MAGI2: variants seen among roughly 807,000 people sequenced by gnomAD.
MAGI2 encodes the protein membrane associated guanylate kinase, WW and PDZ domain containing 2, also known as membrane-associated guanylate kinase, WW and PDZ domain-containing protein 2.
A neutral mutation model predicts 133.3 loss-of-function variants in MAGI2; 35 were observed. That is an observed-to-expected ratio of 0.26 (90% confidence interval 0.20 to 0.35). MAGI2 has a LOEUF of 0.35. Among genes scored for constraint, MAGI2 ranks in the 10% least tolerant of loss-of-function variants. MAGI2 has a pLI of 1.00. For missense variants in MAGI2, 1,636 were observed against 1,863.4 expected, an observed-to-expected ratio of 0.88 and a Z score of 2.25; for synonymous variants, 729 against 710.6, an observed-to-expected ratio of 1.03 and a Z score of -0.41.
chr7:78,709,376 A>T (rs323175), intron 2 of MAGI2, among the ~76,000 whole-genome samples: 3 of 151,660 alleles, frequency 2.0e-5, no homozygotes, highest in African/African-American at 4.8e-5. Flanking sequence ...CATCTCTCTA[A>T]GGAAATGCCC....
chr7:78,392,167 TG>T (rs1410065149), intron 6 of MAGI2, among the ~76,000 whole-genome samples: 1 of 152,176 alleles, frequency 6.6e-6, no homozygotes, highest in African/African-American at 2.4e-5. Context: ...AAAGTAGAAA[TG>T]GATCTGTAAG....
chr7:78,737,622 T>C (rs1821991252), intron 2 of MAGI2, among the ~76,000 whole-genome samples: 4 of 152,178 alleles, frequency 2.6e-5, no homozygotes, highest in Admixed American at 2.6e-4. Flanking sequence ...GAAAGAGATA[T>C]GAGAATCCAG....
chr7:78,523,198 G>C (rs1489720998), intron 3 of MAGI2, among the ~76,000 whole-genome samples: 1 of 152,098 alleles, frequency 6.6e-6, no homozygotes, highest in East Asian at 1.9e-4. Context: ...CCTCTGTAAG[G>C]CTCAATTTCT....
At chr7:79,149,307 C>T (rs1244906359) in intron 1 of MAGI2, among the ~76,000 whole-genome samples, 1 of 151,578 alleles carries the variant, frequency 6.6e-6, no homozygotes, top group Non-Finnish European at 1.5e-5. Context: ...TTTCACATGA[C>T]AGGTTTTCAC....
intron 5 of MAGI2, among the ~76,000 whole-genome samples, chr7:78,493,958 C>G (rs1473943088): frequency 6.6e-6 from 1 of 151,992 alleles, no homozygotes; most frequent in Non-Finnish European, 1.5e-5. Flanking sequence ...ATTTGAATCA[C>G]TTTCTTTTTC....
At chr7:78,462,499 T>A (rs1406776779) in intron 6 of MAGI2, among the ~76,000 whole-genome samples, 2 of 152,220 alleles carry the variant, frequency 1.3e-5, no homozygotes, top group East Asian at 3.8e-4. Context: ...GGCATTTTAA[T>A]ATTGAAAATC....
At chr7:78,820,726 C>T (rs1386365402) in intron 2 of MAGI2, among the ~76,000 whole-genome samples, 1 of 151,804 alleles carries the variant, frequency 6.6e-6, no homozygotes, top group Non-Finnish European at 1.5e-5. Context: ...CTTCTGTTTT[C>T]AATGATGAAT....
intron 4 of MAGI2, among the ~76,000 whole-genome samples, chr7:78,502,969 A>G (rs1317843389): frequency 6.6e-6 from 1 of 152,204 alleles, no homozygotes; most frequent in Non-Finnish European, 1.5e-5. Context: ...ACATGCAGAC[A>G]CCTGGATACA....
chr7:78,573,625 G>A (rs575535449), intron 3 of MAGI2, among the ~76,000 whole-genome samples: 1 of 149,944 alleles, frequency 6.7e-6, no homozygotes, highest in African/African-American at 2.5e-5. Flanking sequence ...TACCTTTTAG[G>A]TTTTGTCTTT....
At position 78,145,548 on chromosome 7, in the gene MAGI2, G is replaced by A. The variant is rs149911556; in HGVS notation, c.2846-10342C>T. Among the ~76,000 whole-genome samples, 500 of 152,096 alleles carry A rather than the reference G, an allele frequency of 3.3e-3. 1 individual carries two copies. The highest frequency in any genetic ancestry group is 0.011 in the African/African-American group (468 of 41,494). ...TTCTCCTATAGGTCATAAGGATTAC[G>A]CCCTCATGGTAGAATTAGTACCATT... On this transcript the variant is annotated intron_variant, in intron 16 of 21. Transcript: ENST00000354212.
At chr7:78,358,393 T>C (rs6977674) in intron 7 of MAGI2, 122,777 of 151,312 alleles carry the variant, frequency 0.81, 49,902 homozygotes, top group Admixed American at 0.85. Flanking sequence ...AACTGGTGGT[T>C]GAGCACCACG....
intron 1 of MAGI2, among the ~76,000 whole-genome samples, chr7:79,271,358 G>A (rs1176586481): frequency 6.6e-6 from 1 of 152,058 alleles, no homozygotes; most frequent in Non-Finnish European, 1.5e-5. Context: ...TGGTGAATGA[G>A]GCACCATAGA....
At chr7:79,101,091 A>G (rs887319345) in intron 1 of MAGI2, among the ~76,000 whole-genome samples, 10 of 152,214 alleles carry the variant, frequency 6.6e-5, no homozygotes, top group Admixed American at 4.6e-4. Context: ...TTAATTTTAC[A>G]TTATTTTAAT....
intron 16 of MAGI2, 169 bp downstream of exon 16, chr7:78,159,856 T>A (rs2150606766): frequency 1.3e-6 from 1 of 742,400 alleles, no homozygotes; most frequent in East Asian, 2.9e-5. Flanking sequence ...GGTCAGTAAC[T>A]GTCTGCTAGT....
At chr7:78,153,020 T>C (rs1584165844) in intron 16 of MAGI2, among the ~76,000 whole-genome samples, 3 of 152,358 alleles carry the variant, frequency 2.0e-5, no homozygotes, top group African/African-American at 7.2e-5. Flanking sequence ...CACTTTCTAA[T>C]TCCTATGTTC....
intron 21 of MAGI2, among the ~76,000 whole-genome samples, chr7:78,053,733 T>TG (rs1472331954): frequency 6.6e-6 from 1 of 152,158 alleles, no homozygotes; most frequent in South Asian, 2.1e-4. Context: ...GCCCATTTAT[T>TG]GGGGTGGGTG....
At chr7:79,203,701 A>T (rs957418744) in intron 1 of MAGI2, among the ~76,000 whole-genome samples, 3 of 152,086 alleles carry the variant, frequency 2.0e-5, no homozygotes, top group African/African-American at 7.3e-5. Flanking sequence ...CAGAAAAAAA[A>T]CCAATCCACC....
chr7:78,331,103 C>T (rs1380299393), intron 9 of MAGI2, among the ~76,000 whole-genome samples: 2 of 152,146 alleles, frequency 1.3e-5, no homozygotes, highest in African/African-American at 4.8e-5. Context: ...AGTGAATTAA[C>T]ACAAGAACAA....
intron 1 of MAGI2, among the ~76,000 whole-genome samples, chr7:79,400,694 C>A (rs1432673077): frequency 3.9e-5 from 6 of 152,074 alleles, no homozygotes; most frequent in African/African-American, 1.4e-4. Context: ...AGTAAATTTA[C>A]CTTACAGTTA....
Sources: gnomAD v4.1 joint callset for allele counts (sites outside exome capture counted in the v4.1 genomes callset) on GRCh38, gnomAD v4.1.1 for gene constraint, MANE v1.5 for transcripts, NCBI Gene and HGNC (gene_info 2026-07-23, HGNC 2026-07-21) for gene names.